CLYBL: variants seen among roughly 807,000 people sequenced by gnomAD.
CLYBL encodes citramalyl-CoA lyase.
CLYBL carries 31 observed loss-of-function variants against 38.9 expected under a neutral mutation model. That is an observed-to-expected ratio of 0.80 (90% confidence interval 0.60 to 1.08). The LOEUF (loss-of-function observed/expected upper bound fraction) is 1.08. CLYBL is among the 50% of genes least tolerant of loss of function. The pLI, the probability that CLYBL is intolerant of heterozygous loss-of-function variation, is 0.00. For synonymous variants in CLYBL, 171 were observed against 158.6 expected (o/e 1.08, Z -0.59); for missense variants, 434 against 411.6 (o/e 1.05, Z -0.47).
intron 2 of CLYBL, among the ~76,000 whole-genome samples, chr13:99,840,063 C>T (rs1342449157): frequency 6.7e-6 from 1 of 149,722 alleles, no homozygotes; most frequent in East Asian, 2.0e-4. Context: ...CTACTCTGTG[C>T]CCCACCCCAC....
intron 1 of CLYBL, among the ~76,000 whole-genome samples, chr13:99,757,420 C>T (rs1327949124): frequency 6.6e-6 from 1 of 152,098 alleles, no homozygotes; most frequent in Admixed American, 6.6e-5. Flanking sequence ...CTCAGCTGCG[C>T]ATTAGAATCA....
intron 1 of CLYBL, among the ~76,000 whole-genome samples, chr13:99,706,988 A>G (rs2048156659): frequency 6.6e-6 from 1 of 151,866 alleles, no homozygotes; most frequent in Non-Finnish European, 1.5e-5. Context: ...ATTTTTTTGT[A>G]GAGACGGATC....
chr13:99,745,299 A>C (rs2048829624), intron 1 of CLYBL, among the ~76,000 whole-genome samples: 1 of 152,218 alleles, frequency 6.6e-6, no homozygotes, highest in African/African-American at 2.4e-5. Flanking sequence ...TTTTGTATTT[A>C]CAAGAAAAGT....
chr13:99,886,014 C>T (rs2052340659), intron 7 of CLYBL, among the ~76,000 whole-genome samples: 1 of 152,114 alleles, frequency 6.6e-6, no homozygotes. Context: ...TGCTGTGAGG[C>T]CAGTCATTCA....
chr13:99,646,007 T>A (rs1951297537), intron 1 of CLYBL, among the ~76,000 whole-genome samples: 2 of 152,128 alleles, frequency 1.3e-5, no homozygotes, highest in Non-Finnish European at 1.5e-5. Flanking sequence ...AATTTAAACT[T>A]AGGATTCTGT....
chr13:99,668,052 T>C (rs1272908566), intron 1 of CLYBL, among the ~76,000 whole-genome samples: 1 of 150,730 alleles, frequency 6.6e-6, no homozygotes, highest in African/African-American at 2.5e-5. Context: ...GGTGGGAGGA[T>C]TGATTGAGGT....
intron 9 of CLYBL, among the ~76,000 whole-genome samples, chr13:99,907,463 A>G (rs73564910): frequency 1.3e-5 from 2 of 152,170 alleles, no homozygotes; most frequent in Admixed American, 1.3e-4. Flanking sequence ...AAAACAATAA[A>G]ATGTTAGCAA....
chr13:99,646,852 C>T lies in CLYBL; in HGVS notation c.62+40095C>T, dbSNP rs58563456. 5.2e-3 allele frequency among the ~76,000 whole-genome samples: 786 copies of T among 152,076 alleles called. 4 individuals carry two copies. Among genetic ancestry groups the T allele is most frequent in the African/African-American group, 0.018 (754 of 41,492 alleles). On this transcript the variant is annotated intron_variant, in intron 1 of 8. Transcript: ENST00000339105. ...TACAGAAATCTTAATATAAGGAGCT[C>T]GTTACAAAGGCAAGCATACCCTAGA...
At chr13:99,880,893 G>T (rs1566365720) in intron 7 of CLYBL, among the ~76,000 whole-genome samples, 1 of 152,222 alleles carries the variant, frequency 6.6e-6, no homozygotes, top group Admixed American at 6.5e-5. Context: ...CTTGGAAAAT[G>T]AATCCACTAA....
At chr13:99,767,149 C>G (rs2049284829) in intron 1 of CLYBL, among the ~76,000 whole-genome samples, 1 of 152,200 alleles carries the variant, frequency 6.6e-6, no homozygotes, top group Admixed American at 6.5e-5. Flanking sequence ...AATGTTTTTG[C>G]ATGCCTGGTG....
chr13:99,867,837 G>T (rs2051787329), intron 6 of CLYBL, among the ~76,000 whole-genome samples: 1 of 152,102 alleles, frequency 6.6e-6, no homozygotes, highest in Non-Finnish European at 1.5e-5. Flanking sequence ...ATCGACACTG[G>T]CCCCTCCACC....
Position 99,870,920 on chromosome 13 carries a change from T to C in CLYBL, c.803-18T>C. On this transcript the variant is annotated intron_variant, in intron 6 of 8. Coordinates refer to ENST00000339105, the MANE Select transcript of CLYBL (RefSeq NM_206808.5). ...TGTTCGTTGTTTCGTGGTTCCGATG[T>C]TATTAATATTCTTGTAGGTAAGCAG... is the stretch of plus-strand genomic sequence containing the variant. The C allele has an allele frequency of 6.3e-7, 1 of 1,584,750 alleles. No homozygotes were observed. The highest frequency in any genetic ancestry group is 8.6e-7 in the Non-Finnish European group (1 of 1,168,482).
At chr13:99,747,719 C>T (rs1028269415) in intron 1 of CLYBL, among the ~76,000 whole-genome samples, 2 of 152,178 alleles carry the variant, frequency 1.3e-5, no homozygotes, top group African/African-American at 4.8e-5. Flanking sequence ...AAGGCAGATT[C>T]AGTGAGTGAC....
chr13:99,695,053 C>T lies in CLYBL; in HGVS notation c.63-77771C>T, dbSNP rs368893160. On this transcript the variant is annotated intron_variant, in intron 1 of 8. Coordinates refer to ENST00000339105, the MANE Select transcript of CLYBL (RefSeq NM_206808.5). ...CATCCATCCCACCGCGAGAGCGATA[C>T]GGCTTGGGTAAGCCGCGAATCCCCT... Among the ~76,000 whole-genome samples, 33 of 152,182 alleles carry T rather than the reference C, an allele frequency of 2.2e-4. 1 individual carries two copies. The highest frequency in any genetic ancestry group is 1.7e-3 in the South Asian group (8 of 4,726).
chr13:99,682,010 C>G (rs2047741826), intron 1 of CLYBL, among the ~76,000 whole-genome samples: 1 of 152,224 alleles, frequency 6.6e-6, no homozygotes, highest in Non-Finnish European at 1.5e-5. Flanking sequence ...TGTATTTCCA[C>G]AAACCTAGAT....
intron 1 of CLYBL, among the ~76,000 whole-genome samples, chr13:99,622,874 C>G (rs1042795984): frequency 6.6e-6 from 1 of 152,148 alleles, no homozygotes; most frequent in African/African-American, 2.4e-5. Flanking sequence ...CACCGTCACC[C>G]AGGCTGGAGT....
At chr13:99,752,188 C>T (rs139072990) in intron 1 of CLYBL, among the ~76,000 whole-genome samples, 3 of 152,248 alleles carry the variant, frequency 2.0e-5, no homozygotes, top group Non-Finnish European at 4.4e-5. Context: ...GTGAAGCCGA[C>T]GGAGAGCATT....
At chr13:99,793,780 C>G (rs1008157756) in intron 2 of CLYBL, among the ~76,000 whole-genome samples, 1 of 151,448 alleles carries the variant, frequency 6.6e-6, no homozygotes, top group African/African-American at 2.4e-5. Flanking sequence ...TCCTAGGAAT[C>G]CAATTAAGTA....
chr13:99,807,152 C>T (rs745412958), intron 2 of CLYBL, among the ~76,000 whole-genome samples: 5 of 152,216 alleles, frequency 3.3e-5, no homozygotes, highest in Non-Finnish European at 5.9e-5. Flanking sequence ...ATTCCTGTGG[C>T]TCCTGCTGCA....
Sources: allele counts gnomAD v4.1 joint callset (sites outside exome capture counted in the v4.1 genomes callset), GRCh38; gene constraint gnomAD v4.1.1; transcripts MANE v1.5; gene names NCBI Gene and HGNC (gene_info 2026-07-23, HGNC 2026-07-21).